CKAP5: variants seen among roughly 807,000 people sequenced by gnomAD.
CKAP5 encodes cytoskeleton associated protein 5, also known as cytoskeleton-associated protein 5.
In CKAP5, 27 loss-of-function variants were observed where a neutral mutation model predicts 232.8. The observed-to-expected ratio is 0.12, with a 90% confidence interval of 0.09 to 0.16. The LOEUF is 0.16. Ranked by LOEUF, CKAP5 falls within the 10% of genes least tolerant of loss-of-function variation. The pLI is 1.00. For missense variants in CKAP5, 1,838 were observed against 2,424.7 expected, an observed-to-expected ratio of 0.76 and a Z score of 5.08; for synonymous variants, 785 against 841.1, an observed-to-expected ratio of 0.93 and a Z score of 1.16.
chr11:46,823,620 C>G (rs778755859), intron 1 of CKAP5, among the ~76,000 whole-genome samples: 4 of 152,124 alleles, frequency 2.6e-5, no homozygotes, highest in Non-Finnish European at 4.4e-5. Flanking sequence ...CAGGGTCTCA[C>G]TCTGTCACCC....
chr11:46,766,923 A>G lies in CKAP5; in HGVS notation c.3411+652T>C, dbSNP rs1169808301. 1.3e-5 allele frequency among the ~76,000 whole-genome samples: 2 copies of G among 152,200 alleles called. 1 individual carries two copies. Among genetic ancestry groups the G allele is most frequent in the East Asian group, 3.9e-4 (2 of 5,192 alleles). On this transcript the variant is annotated intron_variant, in intron 27 of 43. Transcript: ENST00000529230. ...CAGACTAACCGAAACATCTTCTAAT[A>G]TGATGACAACAGTGCCAAATTTGAA...
In CKAP5 at chr11:46,801,425, T is replaced by C. The variant is rs1939028978; in HGVS notation, c.979-121A>G. 5.0e-5 allele frequency: 34 copies of C among 676,358 alleles called. No homozygotes were observed. The East Asian group carries it at 1.1e-3, about 21-fold the overall frequency. The allele number at this position is 676,358 out of a possible 1,614,324, so 41.9% of individuals were successfully genotyped here. A position where few individuals can be genotyped will look rare whatever the true frequency, so the allele number is the denominator to read the frequency against. ...CGGCTCACACCTGTAATCCCAGCAC[T>C]TTGGGAGGCCAAGGTGGGTGGACCA... On this transcript the variant is annotated intron_variant, in intron 8 of 43. Transcript: ENST00000529230.
At chr11:46,811,518 C>T (rs1939274720) in intron 4 of CKAP5, among the ~76,000 whole-genome samples, 1 of 151,978 alleles carries the variant, frequency 6.6e-6, no homozygotes, top group Non-Finnish European at 1.5e-5. Context: ...CTCTTGTTGC[C>T]CAGGCTAGAG....
At chr11:46,755,724 TAGG>T (rs1431364588) in intron 35 of CKAP5, among the ~76,000 whole-genome samples, 1 of 151,152 alleles carries the variant, frequency 6.6e-6, no homozygotes, top group East Asian at 2.0e-4. Context: ...AGGTCACGAG[TAGG>T]AGATCAGCCT....
rs149681837 is a variant in CKAP5 at position 46,843,259 on chromosome 11, G to C, written c.-38+2961C>G. On this transcript the variant is annotated intron_variant, in intron 1 of 43. Coordinates refer to ENST00000529230, the MANE Select transcript of CKAP5 (RefSeq NM_001008938.4). ...GGTAGATGAGTCAAGATAAAGACTG[G>C]CAAATGGGCAAGGGTCTCTTGGCTC... 1.1e-4 allele frequency among the ~76,000 whole-genome samples: 17 copies of C among 152,244 alleles called. No homozygotes were observed. In the East Asian group the frequency reaches 2.9e-3, roughly 26 times the overall value.
intron 30 of CKAP5, 99 bp from the exon 31 acceptor site, chr11:46,762,861 T>C (rs1225470356): frequency 2.1e-6 from 3 of 1,456,734 alleles, no homozygotes; most frequent in Non-Finnish European, 1.9e-6. Context: ...GAAATAGGGA[T>C]AAGTAGGGAA....
intron 4 of CKAP5, among the ~76,000 whole-genome samples, chr11:46,814,131 CAAAAAAAAA>C (rs60142188): frequency 7.4e-5 from 6 of 81,268 alleles, no homozygotes; most frequent in Non-Finnish European, 1.4e-4. Context: ...GACCTTGTCT[CAAAAAAAAA>C]AAAAAAAAAA....
At chr11:46,796,151 T>G (rs1292942637) in intron 12 of CKAP5, among the ~76,000 whole-genome samples, 2 of 113,156 alleles carry the variant, frequency 1.8e-5, no homozygotes, top group African/African-American at 7.1e-5. Context: ...GGTGACAGAG[T>G]GAGATTCATT....
chr11:46,763,712 GA>G, intron 28 of CKAP5, 82 bp from the exon 29 acceptor site: 2 of 870,738 alleles, frequency 2.3e-6, no homozygotes, highest in Non-Finnish European at 3.2e-6. Context: ...GCAGCTGCAG[GA>G]ACAATAAAAT....
chr11:46,801,145 C>T, intron 9 of CKAP5, 55 bp downstream of exon 9: 2 of 1,251,520 alleles, frequency 1.6e-6, no homozygotes, highest in Non-Finnish European at 2.3e-6. Flanking sequence ...GCAAACTAGG[C>T]CTACCATTTT....
chr11:46,822,867 T>C (rs1264428109), intron 1 of CKAP5, among the ~76,000 whole-genome samples: 1 of 152,084 alleles, frequency 6.6e-6, no homozygotes, highest in Non-Finnish European at 1.5e-5. Flanking sequence ...AGTACAAAAT[T>C]AAATCCCTGA....
intron 24 of CKAP5, among the ~76,000 whole-genome samples, chr11:46,775,774 A>G (rs2065284955): frequency 6.6e-6 from 1 of 152,020 alleles, no homozygotes; most frequent in South Asian, 2.1e-4. Flanking sequence ...TTGAACAATG[A>G]GAACGTACGG....
At chr11:46,842,802 C>A (rs1037746898) in intron 1 of CKAP5, among the ~76,000 whole-genome samples, 7 of 151,590 alleles carry the variant, frequency 4.6e-5, no homozygotes, top group Non-Finnish European at 1.0e-4. Flanking sequence ...CCCATCTCTA[C>A]TGAAAATACA....
At position 46,783,149 on chromosome 11, in the gene CKAP5, T is replaced by C. The variant is rs1403528627; in HGVS notation, c.2249+125A>G. 2.0e-5 allele frequency: 11 copies of C among 542,764 alleles called. No homozygotes were observed. The South Asian group carries it at 2.6e-4, about 13-fold the overall frequency. The allele number at this position is 542,764 out of a possible 1,614,324, so 33.6% of individuals were successfully genotyped here. A position where few individuals can be genotyped will look rare whatever the true frequency, so the allele number is the denominator to read the frequency against. ...TGAGAACAAAGGTAATTTTCTTTTA[T>C]ATAAATGAGACAATCCAGCTCTCAC... On this transcript the variant is annotated intron_variant, in intron 18 of 43. Transcript: ENST00000529230.
chr11:46,829,306 G>C (rs548427966), intron 1 of CKAP5, among the ~76,000 whole-genome samples: 1 of 152,080 alleles, frequency 6.6e-6, no homozygotes, highest in African/African-American at 2.4e-5. Flanking sequence ...TTAATGAATA[G>C]TAAATATATT....
At chr11:46,815,748 G>A (rs1939384241) in intron 4 of CKAP5, among the ~76,000 whole-genome samples, 1 of 152,178 alleles carries the variant, frequency 6.6e-6, no homozygotes, top group Admixed American at 6.5e-5. Flanking sequence ...TCCTTATTCA[G>A]GTCACTTTCT....
chr11:46,759,562 C>A, intron 33 of CKAP5, 120 bp from the exon 34 acceptor site: 2 of 989,340 alleles, frequency 2.0e-6, no homozygotes, highest in Admixed American at 3.0e-5. Context: ...TTTCAGCCCC[C>A]CTGAATGATT....
chr11:46,766,069 C>T (rs1312394973), intron 27 of CKAP5, among the ~76,000 whole-genome samples: 1 of 152,094 alleles, frequency 6.6e-6, no homozygotes, highest in East Asian at 1.9e-4. Context: ...GATTTAAAAT[C>T]TTCATATCAG....
chr11:46,819,459 A>T (rs141005879), intron 2 of CKAP5, among the ~76,000 whole-genome samples: 1 of 152,328 alleles, frequency 6.6e-6, no homozygotes, highest in African/African-American at 2.4e-5. Context: ...GAAAGCAATG[A>T]AATGATTTGG....
Sources: allele counts gnomAD v4.1 joint callset (sites outside exome capture counted in the v4.1 genomes callset), GRCh38; gene constraint gnomAD v4.1.1; transcripts MANE v1.5; gene names NCBI Gene and HGNC (gene_info 2026-07-23, HGNC 2026-07-21).